The following CFAP299 variants were observed in gnomAD, a reference collection of about 807,000 sequenced individuals.
CFAP299 encodes the protein cilia- and flagella-associated protein 299.
A neutral mutation model predicts 27.0 loss-of-function variants in CFAP299; 21 were observed. That is an observed-to-expected ratio of 0.78 (90% confidence interval 0.55 to 1.12). The LOEUF (loss-of-function observed/expected upper bound fraction) is 1.12. CFAP299 is among the 50% of genes most tolerant of loss of function. The probability of loss-of-function intolerance (pLI) is 0.00; values close to 1 mark genes in which losing one functional copy is unlikely to be tolerated. For missense variants in CFAP299, 310 were observed against 276.6 expected (o/e 1.12, Z -0.86); for synonymous variants, 104 against 98.1 (o/e 1.06, Z -0.36).
chr4:80,348,644 G>T (rs1004153534), intron 1 of CFAP299, among the ~76,000 whole-genome samples: 3 of 152,136 alleles, frequency 2.0e-5, no homozygotes, highest in Non-Finnish European at 4.4e-5. Context: ...CAAGAAGAAA[G>T]TTCTCAGAAA....
chr4:80,729,124 T>C (rs1407749056), intron 3 of CFAP299, among the ~76,000 whole-genome samples: 2 of 152,194 alleles, frequency 1.3e-5, no homozygotes, highest in Non-Finnish European at 2.9e-5. Context: ...CTTCATAGAT[T>C]CTCTAGTCAT....
At chr4:80,848,160 G>A (rs1222130123) in intron 3 of CFAP299, among the ~76,000 whole-genome samples, 1 of 151,794 alleles carries the variant, frequency 6.6e-6, no homozygotes, top group Non-Finnish European at 1.5e-5. Context: ...GCAGTGAGCT[G>A]AGATCATGCC....
At chr4:80,826,454 G>T (rs1377329814) in intron 3 of CFAP299, among the ~76,000 whole-genome samples, 2 of 151,488 alleles carry the variant, frequency 1.3e-5, no homozygotes. Context: ...ATCAAAAAAG[G>T]TTATGAGGAA....
At chr4:80,944,733 C>T (rs2110230940) in intron 4 of CFAP299, 77 bp from the exon 5 acceptor site, 1 of 1,112,288 alleles carries the variant, frequency 9.0e-7, no homozygotes, top group Non-Finnish European at 1.3e-6. Context: ...CTGAACTTCC[C>T]CAAATAGTTC....
At chr4:80,814,871 G>T (rs1200571041) in intron 3 of CFAP299, among the ~76,000 whole-genome samples, 1 of 152,014 alleles carries the variant, frequency 6.6e-6, no homozygotes, top group Non-Finnish European at 1.5e-5. Flanking sequence ...CCCAGGTAAA[G>T]TCTGCATTGA....
chr4:80,943,627 AT>A (rs1737309167), intron 4 of CFAP299, among the ~76,000 whole-genome samples: 1 of 152,086 alleles, frequency 6.6e-6, no homozygotes, highest in Non-Finnish European at 1.5e-5. Context: ...AAATAAGTAG[AT>A]TTTTATTTTA....
At chr4:80,437,368 G>T (rs954913798) in intron 2 of CFAP299, among the ~76,000 whole-genome samples, 7 of 152,100 alleles carry the variant, frequency 4.6e-5, no homozygotes, top group African/African-American at 1.4e-4. Context: ...TAATGAATGC[G>T]GCAGGAGACC....
chr4:80,688,752 G>A (rs1345812719), intron 3 of CFAP299, among the ~76,000 whole-genome samples: 3 of 152,102 alleles, frequency 2.0e-5, no homozygotes, highest in South Asian at 2.1e-4. Flanking sequence ...TCCGAGCTAC[G>A]GGAGGACATT....
chr4:80,461,459 C>A (rs1203342980), intron 2 of CFAP299, among the ~76,000 whole-genome samples: 2 of 152,090 alleles, frequency 1.3e-5, no homozygotes, highest in African/African-American at 4.8e-5. Context: ...ACTTAGATTT[C>A]TTTCAGGGCC....
chr4:80,935,938 G>A (rs749148756), intron 4 of CFAP299, among the ~76,000 whole-genome samples: 4 of 152,090 alleles, frequency 2.6e-5, no homozygotes, highest in Non-Finnish European at 4.4e-5. Flanking sequence ...AGACATACAT[G>A]CAGCCAACAA....
intron 2 of CFAP299, among the ~76,000 whole-genome samples, chr4:80,402,787 A>G (rs1411802283): frequency 6.6e-6 from 1 of 152,234 alleles, no homozygotes; most frequent in Non-Finnish European, 1.5e-5. Flanking sequence ...ATCTATCTTC[A>G]GATTGTAGCC....
intron 3 of CFAP299, among the ~76,000 whole-genome samples, chr4:80,856,607 C>T (rs1731909914): frequency 6.6e-6 from 1 of 151,996 alleles, no homozygotes; most frequent in Non-Finnish European, 1.5e-5. Context: ...GATCGAGTTT[C>T]AGCTTTCTAC....
intron 3 of CFAP299, among the ~76,000 whole-genome samples, chr4:80,829,359 A>G (rs1466125433): frequency 1.3e-5 from 2 of 152,088 alleles, no homozygotes; most frequent in African/African-American, 4.8e-5. Flanking sequence ...AGAAATGCAA[A>G]TAAAAACCAC....
At chr4:80,662,826 A>G (rs1465166101) in intron 3 of CFAP299, among the ~76,000 whole-genome samples, 1 of 152,170 alleles carries the variant, frequency 6.6e-6, no homozygotes, top group East Asian at 1.9e-4. Flanking sequence ...ACTTTGGCTG[A>G]TGACCAAAGA....
At chr4:80,757,864 T>C (rs1167159544) in intron 3 of CFAP299, among the ~76,000 whole-genome samples, 3 of 152,136 alleles carry the variant, frequency 2.0e-5, no homozygotes, top group South Asian at 4.2e-4. Flanking sequence ...TCGGAGCCAG[T>C]AGGGAAAAAC....
In CFAP299 at chr4:80,353,924, T is replaced by C. The variant is rs146555838; in HGVS notation, c.112-8830T>C. 6.2e-3 allele frequency among the ~76,000 whole-genome samples: 949 copies of C among 152,320 alleles called. 2 individuals are homozygous for C. The highest frequency in any genetic ancestry group is 0.024 in the Middle Eastern group (7 of 294). On this transcript the variant is annotated intron_variant, in intron 1 of 5. Coordinates refer to ENST00000358105, the MANE Select transcript of CFAP299 (RefSeq NM_152770.3). ...TTTGAATAAGTAAAAGTATTTCTCT[T>C]TCAACACCAGGCACCAAAATATATC...
intron 2 of CFAP299, among the ~76,000 whole-genome samples, chr4:80,456,634 G>A (rs888909209): frequency 6.6e-6 from 1 of 152,140 alleles, no homozygotes; most frequent in South Asian, 2.1e-4. Context: ...GATACATGGA[G>A]GATTGGAATC....
At chr4:80,540,531 A>C (rs1733950111) in intron 2 of CFAP299, among the ~76,000 whole-genome samples, 1 of 152,316 alleles carries the variant, frequency 6.6e-6, no homozygotes, top group African/African-American at 2.4e-5. Context: ...TTCTGATGAC[A>C]CAGAGAGATT....
intron 2 of CFAP299, among the ~76,000 whole-genome samples, chr4:80,554,435 C>A (rs1734686893): frequency 6.8e-6 from 1 of 147,312 alleles, no homozygotes; most frequent in African/African-American, 2.5e-5. Context: ...ATGCCTCCAG[C>A]TTTGTTCTCT....
Sources: allele counts gnomAD v4.1 joint callset (sites outside exome capture counted in the v4.1 genomes callset), GRCh38; gene constraint gnomAD v4.1.1; transcripts MANE v1.5; gene names NCBI Gene and HGNC (gene_info 2026-07-23, HGNC 2026-07-21).